Variants in TNK2 observed in about 807,000 individuals in gnomAD.
The protein encoded by TNK2 is tyrosine kinase non receptor 2.
A neutral mutation model predicts 101.8 loss-of-function variants in TNK2; 83 were observed. The observed-to-expected ratio is 0.82, with a 90% CI of 0.68 to 0.98. The LOEUF (loss-of-function observed/expected upper bound fraction) is 0.98, where lower values mean the gene tolerates loss of function less well. Ranked by LOEUF, TNK2 falls within the 50% of genes least tolerant of loss-of-function variation. TNK2 has a pLI of 0.00. For synonymous variants in TNK2, 804 were observed against 633.0 expected, an observed-to-expected ratio of 1.27 and a Z score of -4.06; for missense variants, 1,665 against 1,483.2, an observed-to-expected ratio of 1.12 and a Z score of -2.01.
intron 4 of TNK2, 70 bp downstream of exon 4, chr3:195,884,742 G>A (rs1018103664): frequency 8.3e-6 from 12 of 1,441,326 alleles, no homozygotes; most frequent in Non-Finnish European, 1.1e-5. Context: ...ACCCTGGTTG[G>A]GGGCAGAAGA....
At position 195,867,217 on chromosome 3, in the gene TNK2, G is replaced by A; in HGVS notation, c.2985C>T (p.Ala995=). 6.2e-7 allele frequency: 1 copy of A among 1,613,042 alleles called. No homozygotes were observed. The highest frequency in any genetic ancestry group is 8.5e-7 in the Non-Finnish European group (1 of 1,179,916). ...GCACGCTCCAGCCGTGGCACTGCAG[G>A]GCCGCCTGGCACTCCTCTGTGGTCA... is the stretch of plus-strand genomic sequence containing the variant. ...HGVTTEECQA[A]LQCHGWSVQR... The change falls in exon 14 of 16, where the codon GCC becomes GCT. Residue 995 remains alanine (A), a synonymous_variant. Transcript: ENST00000672887.
rs756101819 is a variant in TNK2, at chr3:195,867,476, T to C, written c.2822A>G (p.Asn941Ser). The C allele has an allele frequency of 6.3e-7, 1 of 1,580,324 alleles. No individual in the cohort carries two copies. The part of the protein sequence containing the change: ...ALDPKANFST[N>S]NSNPGARPPP... ...TGGCCGGGCCCCTGGGTTGCTGTTG[T>C]TGGTGGAGAAGTTGGCCTTGGGGTC... The change falls in exon 13 of 16, where the codon AAC becomes AGC. Residue 941 changes from asparagine (N) to serine (S), a missense_variant. By Grantham distance (46) the Asn-to-Ser change is conservative. This residue lies in a region of TNK2 where 1,136 missense variants were observed against 894.9 expected (regional missense o/e 1.27). Coordinates refer to ENST00000672887, the MANE Select transcript of TNK2 (RefSeq NM_001382273.1).
rs902935955 is a variant in TNK2, at chr3:195,878,248, C to T, written c.1256+5G>A. The T allele has an allele frequency of 1.9e-6, 3 of 1,614,136 alleles. No individual in the cohort carries two copies. The highest frequency in any genetic ancestry group is 1.7e-5 in the Admixed American group (1 of 60,028). ...CAGGGCGGGGCCCAGCCCTGCACTC[C>T]CTACCTTCCCTCGATGACGGTGATG... On this transcript the variant is annotated splice_donor_5th_base_variant and intron_variant, in intron 9 of 15. Transcript: ENST00000672887. The surrounding 1 kb of genome is among the most constrained non-coding windows in gnomAD (Gnocchi z 4.7).
At chr3:195,873,003 T>C (rs989507094) in intron 9 of TNK2, among the ~76,000 whole-genome samples, 3 of 152,122 alleles carry the variant, frequency 2.0e-5, no homozygotes, top group Non-Finnish European at 4.4e-5. Context: ...GGCCTCCAGC[T>C]ACAACCTGCC....
In TNK2 at chr3:195,868,499, C is replaced by T; in HGVS notation, c.1799G>A (p.Cys600Tyr). The T allele has an allele frequency of 1.3e-6, 2 of 1,550,696 alleles. No individual in the cohort carries two copies. Among genetic ancestry groups the T allele is most frequent in the South Asian group, 1.2e-5 (1 of 85,956 alleles). ...EEPVVPALRP[C>Y]APSLAQLAMD... ...GGCCAGCTGCGCCAGGGAGGGCGCGCAGGGCCGTAGGGCCGGGACCACGGG... is the reference window on the plus strand; with the variant it reads ...GGCCAGCTGCGCCAGGGAGGGCGCGTAGGGCCGTAGGGCCGGGACCACGGG... Residue 600 changes from cysteine (C) to tyrosine (Y), a missense_variant, in exon 13 of 16, where the codon TGC becomes TAC. This residue lies in a region of TNK2 where 1,136 missense variants were observed against 894.9 expected (regional missense o/e 1.27). Coordinates refer to ENST00000672887, the MANE Select transcript of TNK2 (RefSeq NM_001382273.1).
At chr3:195,900,410 G>C (rs1382013217) in intron 1 of TNK2, among the ~76,000 whole-genome samples, 1 of 152,206 alleles carries the variant, frequency 6.6e-6, no homozygotes, top group Non-Finnish European at 1.5e-5. Flanking sequence ...TAAACAGCGT[G>C]ACCCAGTCCA....
Position 195,882,293 on chromosome 3 carries a change from G to T in TNK2, c.645C>A (p.Asp215Glu), listed in dbSNP as rs143587665. ...AGTGGCCCTGGTGCTTACGTAGCCGGTCCAACAACGATCCCAGAGGTGCCA... is the reference window on the plus strand; with the variant it reads ...AGTGGCCCTGGTGCTTACGTAGCCGTTCCAACAACGATCCCAGAGGTGCCA... ...TELAPLGSLL[D>E]RLRKHQGHFL... is the part of the protein sequence containing the mutation. Residue 215 changes from aspartate to glutamate, a missense_variant, in exon 6 of 16, where the codon GAC (aspartate) becomes GAA (glutamate). Asp to Glu is a conservative substitution (Grantham distance 45). Transcript: ENST00000672887. This position sits in a 1 kb window ranked among gnomAD's most constrained non-coding sequence, Gnocchi z 4.2. The T allele has an allele frequency of 1.8e-5, 29 of 1,613,274 alleles. 1 individual carries two copies. Among genetic ancestry groups the T allele is most frequent in the Non-Finnish European group, 1.7e-6 (2 of 1,179,824 alleles).
chr3:195,880,718 ACC>A (rs1173040587), intron 6 of TNK2, among the ~76,000 whole-genome samples: 1 of 44,590 alleles, frequency 2.2e-5, no homozygotes, highest in African/African-American at 1.1e-4. Context: ...TCCCTGTAAC[ACC>A]CCCCCAGCAA....
chr3:195,887,190 G>A (rs1756069578), intron 2 of TNK2, 143 bp from the exon 3 acceptor site: 1 of 779,544 alleles, frequency 1.3e-6, no homozygotes. Context: ...AACTAACCCG[G>A]AGCCTCAACT....
chr3:195,867,044 C>T (rs369461273), intron 14 of TNK2, 28 bp from the exon 15 acceptor site: 217 of 1,612,036 alleles, frequency 1.3e-4, no homozygotes, highest in Non-Finnish European at 1.7e-4. Flanking sequence ...GCCATGGACA[C>T]GCGGGCCCAG....
At chr3:195,875,659 T>C (rs1313382905) in intron 9 of TNK2, among the ~76,000 whole-genome samples, 5 of 64,136 alleles carry the variant, frequency 7.8e-5, no homozygotes, top group Non-Finnish European at 1.1e-4. Context: ...GTCCGCGCCC[T>C]CTCTCTCCCG....
chr3:195,882,991 C>A lies in TNK2; in HGVS notation c.609+166G>T, dbSNP rs766973357. 1.3e-5 allele frequency among the ~76,000 whole-genome samples: 2 copies of A among 152,198 alleles called. No homozygotes were observed. The highest frequency in any genetic ancestry group is 6.5e-5 in the Admixed American group (1 of 15,286). On this transcript the variant is annotated intron_variant, in intron 5 of 15. Coordinates refer to ENST00000672887, the MANE Select transcript of TNK2 (RefSeq NM_001382273.1). The surrounding 1 kb of genome is among the most constrained non-coding windows in gnomAD (Gnocchi z 4.2). The stretch of plus-strand genomic sequence containing the variant: ...GACCCGGACTGGACCGCAGCAGACA[C>A]AGCCCGTACCAGGCTGGGCCCCTGT...
intron 12 of TNK2, 104 bp downstream of exon 12, chr3:195,869,393 A>ACCCGC: frequency 1.7e-6 from 1 of 584,658 alleles, no homozygotes; most frequent in East Asian, 4.6e-5. Context: ...ACACCCACCC[A>ACCCGC]CCTCCCCTCC....
At chr3:195,868,973 C>T in intron 12 of TNK2, 1 of 520,492 alleles carries the variant, frequency 1.9e-6, no homozygotes, top group Admixed American at 3.7e-5. Context: ...CAGCAAGCAA[C>T]ACTGGCTCCT....
chr3:195,865,644 TGACA>T (rs1423643779), intron 15 of TNK2, among the ~76,000 whole-genome samples: 2 of 139,760 alleles, frequency 1.4e-5, no homozygotes, highest in South Asian at 2.3e-4. Flanking sequence ...CCCGAGACAA[TGACA>T]GACAGGTGAC....
Position 195,871,661 on chromosome 3 carries a change from G to A in TNK2, c.1451+615C>T, listed in dbSNP as rs118077641. 5.2e-4 allele frequency among the ~76,000 whole-genome samples: 79 copies of A among 152,230 alleles called. 1 individual carries two copies. The East Asian group carries it at 0.01, about 19-fold the overall frequency. On this transcript the variant is annotated intron_variant, in intron 10 of 15. Coordinates refer to ENST00000672887, the MANE Select transcript of TNK2 (RefSeq NM_001382273.1). ...CAAGAGGGGTTACAGCTGTGGCTCC[G>A]GGGACCTTTCCACCAAACAGGAGTC...
At chr3:195,871,554 CA>C (rs1307197727) in intron 10 of TNK2, among the ~76,000 whole-genome samples, 8 of 152,094 alleles carry the variant, frequency 5.3e-5, no homozygotes, top group African/African-American at 1.9e-4. Flanking sequence ...CAGGGGGCCA[CA>C]GGGGGGTCAT....
chr3:195,872,546 G>T, intron 9 of TNK2, 76 bp from the exon 10 acceptor site: 1 of 1,433,018 alleles, frequency 7.0e-7, no homozygotes, highest in Non-Finnish European at 9.4e-7. Flanking sequence ...CTCACACCCT[G>T]GCCACTGTGG....
In TNK2 at chr3:195,863,866, C is replaced by T. The variant is rs1390682172; in HGVS notation, c.*315G>A. ...GGGGTACTACTCCACCCACAGGCCCCGCCCAGGACCAGGGCCAGAGGCAGG... is the reference window on the plus strand; with the variant it reads ...GGGGTACTACTCCACCCACAGGCCCTGCCCAGGACCAGGGCCAGAGGCAGG... On this transcript the variant is annotated 3_prime_UTR_variant, in exon 16 of 16. Coordinates refer to ENST00000672887, the MANE Select transcript of TNK2 (RefSeq NM_001382273.1). 2.1e-5 allele frequency: 8 copies of T among 388,006 alleles called. No individual in the cohort carries two copies. The highest frequency in any genetic ancestry group is 1.2e-4 in the Admixed American group (3 of 25,160). 24.0% of individuals were successfully genotyped at this position (388,006 alleles called of 1,614,324 possible). A position where few individuals can be genotyped will look rare whatever the true frequency, so the allele number is the denominator to read the frequency against.
Sources: allele counts gnomAD v4.1 joint callset (sites outside exome capture counted in the v4.1 genomes callset), GRCh38; gene constraint gnomAD v4.1.1; regional missense constraint gnomAD v4.1.1; non-coding constraint Gnocchi (gnomAD v3.1); transcripts MANE v1.5; gene names NCBI Gene and HGNC (gene_info 2026-07-23, HGNC 2026-07-21).